The following RHOBTB3 variants were observed in gnomAD, a reference collection of about 807,000 sequenced individuals.
The protein encoded by RHOBTB3 is Rho related BTB domain containing 3.
In RHOBTB3, 47 loss-of-function variants were observed where a neutral mutation model predicts 67.2. The observed-to-expected ratio is 0.70, with a 90% confidence interval of 0.55 to 0.89. The LOEUF (loss-of-function observed/expected upper bound fraction) is 0.89. Ranked by LOEUF, RHOBTB3 falls within the 40% of genes least tolerant of loss-of-function variation. The probability of loss-of-function intolerance (pLI) is 0.00; values close to 1 mark genes in which losing one functional copy is unlikely to be tolerated. For synonymous variants in RHOBTB3, 273 were observed against 274.2 expected, an observed-to-expected ratio of 1.00 and a Z score of 0.04; for missense variants, 631 against 750.0, an observed-to-expected ratio of 0.84 and a Z score of 1.85.
intron 7 of RHOBTB3, among the ~76,000 whole-genome samples, chr5:95,764,865 G>A (rs62364384): frequency 0.043 from 6,492 of 152,010 alleles, 172 homozygotes; most frequent in Middle Eastern, 0.068. Context: ...GAATTAAGGG[G>A]TAAGATTTTT....
At chr5:95,726,966 T>C (rs1290489366), upstream of RHOBTB3, among the ~76,000 whole-genome samples, 7 of 141,948 alleles carry the variant, frequency 4.9e-5, no homozygotes, top group Non-Finnish European at 9.6e-5. Context: ...GTTTCCCCCC[T>C]TTTTTTTTTC....
At chr5:95,739,537 A>G (rs1755542345) in intron 3 of RHOBTB3, among the ~76,000 whole-genome samples, 1 of 152,218 alleles carries the variant, frequency 6.6e-6, no homozygotes, top group Non-Finnish European at 1.5e-5. Flanking sequence ...GTCAAATACT[A>G]CAGACATTTT....
chr5:95,741,509 T>TC (rs1166665575), intron 3 of RHOBTB3, among the ~76,000 whole-genome samples: 1 of 147,664 alleles, frequency 6.8e-6, no homozygotes, highest in Non-Finnish European at 1.5e-5. Flanking sequence ...TCTCTTTTTT[T>TC]TTTCTTTCTT....
At position 95,783,802 on chromosome 5, in the gene RHOBTB3, A is replaced by G. The variant is rs533229431; in HGVS notation, c.1462A>G (p.Ile488Val). ...LYTDSCCPAG[I>V]FQAMCLLICA... ...CATGTCCCTTTTCTCATCAGCTGGC[A>G]TATTCCAGGCCATGTGTCTCCTGAT... Residue 488 changes from isoleucine to valine, a missense_variant, in exon 10 of 12, where the codon ATA (isoleucine) becomes GTA (valine). Coordinates refer to ENST00000379982, the MANE Select transcript of RHOBTB3 (RefSeq NM_014899.4). The G allele has an allele frequency of 6.2e-7, 1 of 1,608,356 alleles. No homozygotes were observed. The highest frequency in any genetic ancestry group is 1.3e-5 in the African/African-American group (1 of 74,856).
intron 1 of RHOBTB3, among the ~76,000 whole-genome samples, chr5:95,721,646 A>T (rs1754881664): frequency 6.6e-6 from 1 of 151,916 alleles, no homozygotes; most frequent in Non-Finnish European, 1.5e-5. Context: ...AATATTTTAA[A>T]TATTTAAGGA....
intron 11 of RHOBTB3, among the ~76,000 whole-genome samples, chr5:95,791,664 G>A (rs989988972): frequency 6.6e-6 from 1 of 152,018 alleles, no homozygotes; most frequent in Non-Finnish European, 1.5e-5. Flanking sequence ...CTCAGTAGCT[G>A]GGATTATAGG....
chr5:95,774,346 G>A (rs751358880), intron 8 of RHOBTB3, among the ~76,000 whole-genome samples: 1 of 152,128 alleles, frequency 6.6e-6, no homozygotes, highest in Non-Finnish European at 1.5e-5. Flanking sequence ...CTTAGAAAAA[G>A]GGGTTGGGAA....
intron 2 of RHOBTB3, among the ~76,000 whole-genome samples, chr5:95,734,115 G>A (rs1410145942): frequency 6.6e-6 from 1 of 152,132 alleles, no homozygotes; most frequent in Non-Finnish European, 1.5e-5. Flanking sequence ...TAAAAATAAA[G>A]TGTTACAACT....
At position 95,794,134 on chromosome 5, in the gene RHOBTB3, G is replaced by A. The variant is rs1294536944; in HGVS notation, c.*960G>A. On this transcript the variant is annotated 3_prime_UTR_variant, in exon 12 of 12. Coordinates refer to ENST00000379982, the MANE Select transcript of RHOBTB3 (RefSeq NM_014899.4). ...ACCCAGGGCCTCCACTGCCACCTTG[G>A]CTGGCAAGGGAGAAATGTGTTGTGT... 2 of 425,780 alleles carry A rather than the reference G, an allele frequency of 4.7e-6. No individual in the cohort carries two copies. Among genetic ancestry groups the A allele is most frequent in the African/African-American group, 4.1e-5 (2 of 48,240 alleles). 26.4% of individuals were successfully genotyped at this position (425,780 alleles called of 1,614,324 possible). A position where few individuals can be genotyped will look rare whatever the true frequency, so the allele number is the denominator to read the frequency against.
At chr5:95,723,448 G>A (rs1332169954) in intron 1 of RHOBTB3, among the ~76,000 whole-genome samples, 1 of 152,334 alleles carries the variant, frequency 6.6e-6, no homozygotes, top group East Asian at 1.9e-4. Context: ...AATGAGTAAA[G>A]TCAGCTTTGC....
chr5:95,733,148 T>G (rs1383084873), intron 2 of RHOBTB3, among the ~76,000 whole-genome samples: 1 of 152,234 alleles, frequency 6.6e-6, no homozygotes, highest in Non-Finnish European at 1.5e-5. Context: ...CTCGCTCGTG[T>G]AAGTTTTCAG....
intron 3 of RHOBTB3, among the ~76,000 whole-genome samples, chr5:95,746,450 T>C (rs1378126476): frequency 6.6e-6 from 1 of 152,122 alleles, no homozygotes; most frequent in Non-Finnish European, 1.5e-5. Context: ...TTGTGAAGAA[T>C]GTGAAATACC....
chr5:95,753,878 G>C (rs1745165533), intron 5 of RHOBTB3, among the ~76,000 whole-genome samples: 1 of 152,186 alleles, frequency 6.6e-6, no homozygotes, highest in Non-Finnish European at 1.5e-5. Context: ...GGGAGGCCAA[G>C]GTGGGCAGAT....
At chr5:95,778,112 C>G (rs1005714171) in intron 8 of RHOBTB3, among the ~76,000 whole-genome samples, 1 of 149,960 alleles carries the variant, frequency 6.7e-6, no homozygotes. Context: ...AAGCAAGACT[C>G]TATCTCAAAA....
At chr5:95,753,136 C>CA (rs1002789158) in intron 5 of RHOBTB3, among the ~76,000 whole-genome samples, 166 of 124,418 alleles carry the variant, frequency 1.3e-3, no homozygotes, top group Admixed American at 1.7e-3. Context: ...GACTCTGTCT[C>CA]AAAAAAAAAA....
At chr5:95,763,879 G>T (rs1338201897) in intron 7 of RHOBTB3, among the ~76,000 whole-genome samples, 3 of 151,476 alleles carry the variant, frequency 2.0e-5, no homozygotes, top group Non-Finnish European at 4.4e-5. Flanking sequence ...CATGATCTTG[G>T]CTTACTGCAG....
intron 3 of RHOBTB3, among the ~76,000 whole-genome samples, chr5:95,746,915 T>C (rs893606434): frequency 6.6e-6 from 1 of 152,230 alleles, no homozygotes; most frequent in African/African-American, 2.4e-5. Context: ...ATGCACTAAA[T>C]ATATTTAGCG....
chr5:95,778,395 G>T (rs1392873537), intron 8 of RHOBTB3, among the ~76,000 whole-genome samples: 1 of 150,766 alleles, frequency 6.6e-6, no homozygotes, highest in Non-Finnish European at 1.5e-5. Context: ...CAATACAGTT[G>T]CAGGGTTTTT....
At chr5:95,760,781 C>G (rs1198623837) in intron 6 of RHOBTB3, among the ~76,000 whole-genome samples, 1 of 152,032 alleles carries the variant, frequency 6.6e-6, no homozygotes, top group Non-Finnish European at 1.5e-5. Context: ...GACATTGTGC[C>G]TATTGTTAAT....
Sources: allele counts gnomAD v4.1 joint callset (sites outside exome capture counted in the v4.1 genomes callset), GRCh38; gene constraint gnomAD v4.1.1; transcripts MANE v1.5; gene names NCBI Gene and HGNC (gene_info 2026-07-23, HGNC 2026-07-21).